Variants in PTPRD observed in about 807,000 individuals in gnomAD.
PTPRD encodes the protein protein tyrosine phosphatase receptor type D.
PTPRD carries 34 observed loss-of-function variants against 214.5 expected under a neutral mutation model. That is an observed-to-expected ratio of 0.16 (90% CI 0.12 to 0.21). PTPRD has a LOEUF of 0.21. PTPRD is among the 10% of genes least tolerant of loss of function. The probability of loss-of-function intolerance (pLI) is 1.00; values close to 1 mark genes in which losing one functional copy is unlikely to be tolerated. For synonymous variants in PTPRD, 1,128 were observed against 845.7 expected (o/e 1.33, Z -5.79); for missense variants, 2,545 against 2,398.7 (o/e 1.06, Z -1.27).
intron 10 of PTPRD, among the ~76,000 whole-genome samples, chr9:9,164,783 C>T (rs1228710814): frequency 5.3e-5 from 8 of 151,896 alleles, no homozygotes; most frequent in African/African-American, 9.7e-5. Flanking sequence ...GAGGCTGAGG[C>T]GGGTGGATCT....
chr9:8,469,876 C>G (rs970704285), intron 31 of PTPRD, among the ~76,000 whole-genome samples: 10 of 152,084 alleles, frequency 6.6e-5, no homozygotes, highest in African/African-American at 2.2e-4. Context: ...AGAGATGACA[C>G]ACGTCTGCCA....
intron 6 of PTPRD, among the ~76,000 whole-genome samples, chr9:9,738,735 C>T (rs527729978): frequency 4.6e-5 from 7 of 152,092 alleles, no homozygotes; most frequent in African/African-American, 1.7e-4. Flanking sequence ...AACCACCACA[C>T]CTGACCTCTT....
chr9:9,431,279 T>C (rs1018226636), intron 8 of PTPRD, among the ~76,000 whole-genome samples: 3 of 152,214 alleles, frequency 2.0e-5, no homozygotes, highest in Admixed American at 6.5e-5. Flanking sequence ...AAGACACTTA[T>C]GCAGTCAACA....
At chr9:10,508,556 T>C (rs1370528332) in intron 2 of PTPRD, among the ~76,000 whole-genome samples, 2 of 152,036 alleles carry the variant, frequency 1.3e-5, no homozygotes, top group Non-Finnish European at 2.9e-5. Flanking sequence ...CAAATGGCCA[T>C]CAATAATAGA....
intron 39 of PTPRD, among the ~76,000 whole-genome samples, chr9:8,366,603 G>C (rs973338895): frequency 6.6e-6 from 1 of 152,176 alleles, no homozygotes; most frequent in African/African-American, 2.4e-5. Context: ...AAAGGGCAAA[G>C]AATTTCAGGA....
At chr9:9,733,835 G>C (rs1442826089) in intron 7 of PTPRD, among the ~76,000 whole-genome samples, 1 of 152,094 alleles carries the variant, frequency 6.6e-6, no homozygotes, top group Non-Finnish European at 1.5e-5. Context: ...GAACATAGTA[G>C]GATCCCAATG....
Position 10,530,982 on chromosome 9 carries a change from C to T in PTPRD, c.-600+81416G>A, listed in dbSNP as rs377654341. 2.0e-5 allele frequency among the ~76,000 whole-genome samples: 3 copies of T among 151,548 alleles called. No individual in the cohort carries two copies. The East Asian group carries it at 5.8e-4, about 29-fold the overall frequency. On this transcript the variant is annotated intron_variant, in intron 2 of 45. Coordinates refer to ENST00000381196, the MANE Select transcript of PTPRD (RefSeq NM_002839.4). ...TTTTTTTTTTTGAGACAGATTCTTGCTCTGTCAGCCAGGCTAAAGTGCCAC... is the reference window on the plus strand; with the variant it reads ...TTTTTTTTTTTGAGACAGATTCTTGTTCTGTCAGCCAGGCTAAAGTGCCAC...
intron 8 of PTPRD, among the ~76,000 whole-genome samples, chr9:9,496,274 A>G (rs1162843515): frequency 6.6e-6 from 1 of 152,206 alleles, no homozygotes; most frequent in Non-Finnish European, 1.5e-5. Flanking sequence ...TAAAAAGGCA[A>G]CAGAGTAAAA....
intron 4 of PTPRD, among the ~76,000 whole-genome samples, chr9:10,028,467 T>A (rs1321488004): frequency 1.3e-5 from 2 of 152,268 alleles, no homozygotes; most frequent in Non-Finnish European, 1.5e-5. Flanking sequence ...CAAGAAAATG[T>A]AGGAAAGTTT....
At chr9:8,508,589 G>C (rs1476891464) in intron 21 of PTPRD, among the ~76,000 whole-genome samples, 2 of 149,146 alleles carry the variant, frequency 1.3e-5, no homozygotes, top group South Asian at 4.2e-4. Context: ...GAAAAAAAGA[G>C]AACAATAATA....
At chr9:10,497,676 A>T (rs2042474324) in intron 2 of PTPRD, among the ~76,000 whole-genome samples, 1 of 152,020 alleles carries the variant, frequency 6.6e-6, no homozygotes, top group South Asian at 2.1e-4. Context: ...ATTTTAAGCA[A>T]ATTTATTGTT....
chr9:8,692,593 C>G (rs1216714165), intron 12 of PTPRD, among the ~76,000 whole-genome samples: 4 of 152,114 alleles, frequency 2.6e-5, no homozygotes, highest in African/African-American at 9.7e-5. Flanking sequence ...ACTTTGATTT[C>G]CAAGAAAATG....
intron 2 of PTPRD, among the ~76,000 whole-genome samples, chr9:10,590,991 C>T (rs1003293839): frequency 3.3e-5 from 5 of 151,754 alleles, no homozygotes; most frequent in African/African-American, 1.2e-4. Flanking sequence ...AACAGATCTT[C>T]ATAATTGACT....
At chr9:10,010,696 T>G (rs1412215219) in intron 4 of PTPRD, among the ~76,000 whole-genome samples, 1 of 151,948 alleles carries the variant, frequency 6.6e-6, no homozygotes, top group Non-Finnish European at 1.5e-5. Flanking sequence ...AATAGAGATA[T>G]TTTGAGAAAT....
At chr9:10,300,807 C>A (rs1297179853) in intron 3 of PTPRD, among the ~76,000 whole-genome samples, 1 of 152,108 alleles carries the variant, frequency 6.6e-6, no homozygotes, top group Non-Finnish European at 1.5e-5. Flanking sequence ...TGAGACCGAG[C>A]ACCTGGGGGA....
At chr9:9,531,489 A>T (rs2075449787) in intron 8 of PTPRD, among the ~76,000 whole-genome samples, 1 of 152,128 alleles carries the variant, frequency 6.6e-6, no homozygotes, top group Non-Finnish European at 1.5e-5. Flanking sequence ...TGTTCGAAAG[A>T]ATTTTGTTGG....
chr9:8,754,027 C>T (rs113708362), intron 11 of PTPRD, among the ~76,000 whole-genome samples: 7,685 of 152,130 alleles, frequency 0.051, 484 homozygotes, highest in African/African-American at 0.15. Context: ...TGCCTGTAAT[C>T]CCAGCTAGTC....
intron 10 of PTPRD, among the ~76,000 whole-genome samples, chr9:9,053,330 G>A (rs548448666): frequency 1.3e-5 from 2 of 152,032 alleles, no homozygotes; most frequent in East Asian, 3.9e-4. Flanking sequence ...TAAAAATTTT[G>A]AATCCTTTTG....
chr9:8,709,337 A>AC (rs2098277228), intron 12 of PTPRD, among the ~76,000 whole-genome samples: 1 of 152,044 alleles, frequency 6.6e-6, no homozygotes, highest in East Asian at 1.9e-4. Flanking sequence ...ACACAGTGAA[A>AC]CCCTGTCTCT....
Sources: allele counts gnomAD v4.1 joint callset (sites outside exome capture counted in the v4.1 genomes callset), GRCh38; gene constraint gnomAD v4.1.1; transcripts MANE v1.5; gene names NCBI Gene and HGNC (gene_info 2026-07-23, HGNC 2026-07-21).